FCHSD2: variants seen among roughly 807,000 people sequenced by gnomAD.
FCHSD2 encodes FCH and double SH3 domains 2.
FCHSD2 carries 38 observed loss-of-function variants against 108.1 expected under a neutral mutation model. The observed-to-expected ratio is 0.35, with a 90% CI of 0.27 to 0.46. FCHSD2 has a LOEUF of 0.46. FCHSD2 is among the 20% of genes least tolerant of loss of function. The pLI is 1.00. For missense variants in FCHSD2, 751 were observed against 897.8 expected, an observed-to-expected ratio of 0.84 and a Z score of 2.09; for synonymous variants, 279 against 314.7, an observed-to-expected ratio of 0.89 and a Z score of 1.20.
At chr11:72,856,757 T>G (rs947100255) in intron 13 of FCHSD2, among the ~76,000 whole-genome samples, 3 of 152,188 alleles carry the variant, frequency 2.0e-5, no homozygotes, top group African/African-American at 7.2e-5. Context: ...ACTCACTAGT[T>G]AGGAGCATAA....
rs1269639845 is a variant in FCHSD2, at chr11:72,838,716, G to A, written c.*75C>T. 1.5e-5 allele frequency: 18 copies of A among 1,212,330 alleles called. No homozygotes were observed. Among genetic ancestry groups the A allele is most frequent in the Non-Finnish European group, 2.1e-5 (18 of 839,994 alleles). 75.1% of individuals were successfully genotyped at this position (1,212,330 alleles called of 1,614,324 possible). A position where few individuals can be genotyped will look rare whatever the true frequency, so the allele number is the denominator to read the frequency against. The stretch of plus-strand genomic sequence containing the variant: ...GTTCAAGAGTCATCATCATGCAAAG[G>A]TGCCTAAAAAACAAGACTGGCCAAA... On this transcript the variant is annotated 3_prime_UTR_variant, in exon 20 of 20. Transcript: ENST00000409418.
intron 8 of FCHSD2, among the ~76,000 whole-genome samples, chr11:72,979,812 C>T (rs1402126773): frequency 6.6e-6 from 1 of 151,988 alleles, no homozygotes; most frequent in African/African-American, 2.4e-5. Flanking sequence ...ACAACAAAGA[C>T]ATATAGGAAG....
At chr11:73,004,660 T>TAC (rs1857702037) in intron 4 of FCHSD2, among the ~76,000 whole-genome samples, 1 of 152,216 alleles carries the variant, frequency 6.6e-6, no homozygotes, top group African/African-American at 2.4e-5. Flanking sequence ...TACAAGCTCC[T>TAC]ACCTTGGTTA....
chr11:73,112,978 T>C (rs1232143317), intron 2 of FCHSD2, among the ~76,000 whole-genome samples: 1 of 152,212 alleles, frequency 6.6e-6, no homozygotes, highest in Non-Finnish European at 1.5e-5. Context: ...ATATGCCCTT[T>C]TGCAGCTACT....
intron 13 of FCHSD2, among the ~76,000 whole-genome samples, 173 bp from the exon 14 acceptor site, chr11:72,850,062 T>A: frequency 9.9e-6 from 1 of 101,044 alleles, no homozygotes; most frequent in African/African-American, 3.1e-5. Flanking sequence ...ATAGAGTTTT[T>A]TTTTTTTTTT....
At chr11:72,881,901 G>A (rs1408907108) in intron 12 of FCHSD2, among the ~76,000 whole-genome samples, 1 of 152,238 alleles carries the variant, frequency 6.6e-6, no homozygotes, top group African/African-American at 2.4e-5. Flanking sequence ...CAGCACTTTG[G>A]GAGGCCGAGG....
intron 8 of FCHSD2, among the ~76,000 whole-genome samples, chr11:72,953,628 G>A (rs182584771): frequency 1.2e-4 from 18 of 148,700 alleles, no homozygotes; most frequent in East Asian, 1.9e-4. Context: ...CTGCATGGGG[G>A]AAAAAAAAAA....
At chr11:72,967,004 C>T (rs1057511418) in intron 8 of FCHSD2, among the ~76,000 whole-genome samples, 1 of 151,994 alleles carries the variant, frequency 6.6e-6, no homozygotes, top group Non-Finnish European at 1.5e-5. Context: ...TGAGACCATC[C>T]TGGCTAACAC....
Position 72,933,215 on chromosome 11 carries a change from T to C in FCHSD2, c.706-11265A>G, listed in dbSNP as rs558948624. 5.9e-5 allele frequency among the ~76,000 whole-genome samples: 9 copies of C among 152,314 alleles called. No individual in the cohort carries two copies. In the East Asian group the frequency reaches 1.5e-3, roughly 26 times the overall value. On this transcript the variant is annotated intron_variant, in intron 8 of 19. Coordinates refer to ENST00000409418, the MANE Select transcript of FCHSD2 (RefSeq NM_014824.3). Reference sequence around the variant, plus strand: ...CTAATTACTGGGTGGAGGTGGTCCCTTGACTTAAATTAGGTCATCCCTGGG... The same window carrying C: ...CTAATTACTGGGTGGAGGTGGTCCCCTGACTTAAATTAGGTCATCCCTGGG...
chr11:73,120,153 C>G (rs112614182), intron 2 of FCHSD2, among the ~76,000 whole-genome samples: 7,374 of 152,014 alleles, frequency 0.049, 482 homozygotes, highest in African/African-American at 0.15. Flanking sequence ...CTCCCACCAG[C>G]TCCCTCCCAC....
chr11:73,050,300 T>C (rs1313440593), intron 3 of FCHSD2, among the ~76,000 whole-genome samples: 1 of 152,210 alleles, frequency 6.6e-6, no homozygotes, highest in African/African-American at 2.4e-5. Flanking sequence ...ACACCACTTC[T>C]AGCTCCAAGT....
Position 73,142,057 on chromosome 11 carries a change from G to C in FCHSD2, c.-180C>G. ...GGGCGGCAGGCGGACCCCAGCCAGAGAGCGAGTGTGAGGAGACGAGGGAGG... is the reference window on the plus strand; with the variant it reads ...GGGCGGCAGGCGGACCCCAGCCAGACAGCGAGTGTGAGGAGACGAGGGAGG... On this transcript the variant is annotated 5_prime_UTR_variant, in exon 1 of 20. Coordinates refer to ENST00000409418, the MANE Select transcript of FCHSD2 (RefSeq NM_014824.3). 1 of 588,686 alleles carries C rather than the reference G, an allele frequency of 1.7e-6. No individual in the cohort carries two copies. Among genetic ancestry groups the C allele is most frequent in the South Asian group, 2.0e-5 (1 of 49,456 alleles). 36.5% of individuals were successfully genotyped at this position (588,686 alleles called of 1,614,324 possible). A position where few individuals can be genotyped will look rare whatever the true frequency, so the allele number is the denominator to read the frequency against.
In FCHSD2 at chr11:73,051,910, CA is replaced by C. The variant is rs1565386237; in HGVS notation, c.165+31784del. ...ACACACACACACACACACACACACA[CA>C]CACACCCCACACACACTGACATCAG... On this transcript the variant is annotated intron_variant, in intron 3 of 19. Coordinates refer to ENST00000409418, the MANE Select transcript of FCHSD2 (RefSeq NM_014824.3). Among the ~76,000 whole-genome samples the C allele has an allele frequency of 4.8e-3, 692 of 145,554 alleles. 4 individuals are homozygous for C. Among genetic ancestry groups the C allele is most frequent in the Admixed American group, 0.014 (204 of 14,728 alleles).
intron 8 of FCHSD2, among the ~76,000 whole-genome samples, chr11:72,941,301 TG>T (rs1856413477): frequency 6.6e-6 from 1 of 152,098 alleles, no homozygotes. Context: ...AATTAATGAA[TG>T]GCCTCAAATA....
rs971977909 is a variant in FCHSD2, at chr11:73,015,813, A to T, written c.238T>A (p.Tyr80Asn). ...PGVKADDRND[Y>N]RSMYPVWKSF... ...AGGCAAAAACTACTAATTTACCTGTAATCATTCCGATCATCAGCTTTTACT... is the reference window on the plus strand; with the variant it reads ...AGGCAAAAACTACTAATTTACCTGTTATCATTCCGATCATCAGCTTTTACT... The change falls in exon 4 of 20, where the codon TAC becomes AAC. Residue 80 changes from tyrosine (Y) to asparagine (N), a missense_variant. Tyr to Asn is a moderately radical substitution (Grantham distance 143, BLOSUM62 -2). Transcript: ENST00000409418. 1 of 1,599,846 alleles carries T rather than the reference A, an allele frequency of 6.3e-7. No individual in the cohort carries two copies. Among genetic ancestry groups the T allele is most frequent in the Non-Finnish European group, 8.5e-7 (1 of 1,170,534 alleles).
At chr11:72,902,114 A>T (rs1372753306) in intron 10 of FCHSD2, among the ~76,000 whole-genome samples, 1 of 152,148 alleles carries the variant, frequency 6.6e-6, no homozygotes, top group Non-Finnish European at 1.5e-5. Flanking sequence ...ACCTCAGGTC[A>T]TCCACCTGCC....
At chr11:72,938,984 T>C (rs1856358976) in intron 8 of FCHSD2, among the ~76,000 whole-genome samples, 1 of 152,210 alleles carries the variant, frequency 6.6e-6, no homozygotes, top group Non-Finnish European at 1.5e-5. Context: ...TTAATAAAAG[T>C]GGCCTCTGAG....
intron 3 of FCHSD2, among the ~76,000 whole-genome samples, chr11:73,060,410 C>T (rs1859132905): frequency 6.6e-6 from 1 of 152,024 alleles, no homozygotes; most frequent in African/African-American, 2.4e-5. Context: ...ATTCTAATAC[C>T]AGGAGCCTGG....
intron 3 of FCHSD2, among the ~76,000 whole-genome samples, chr11:73,051,004 T>C (rs960379650): frequency 6.6e-6 from 1 of 152,186 alleles, no homozygotes. Flanking sequence ...AGTTAGTTTG[T>C]TATCTATAAT....
Sources: allele counts gnomAD v4.1 joint callset (sites outside exome capture counted in the v4.1 genomes callset), GRCh38; gene constraint gnomAD v4.1.1; transcripts MANE v1.5; gene names NCBI Gene and HGNC (gene_info 2026-07-23, HGNC 2026-07-21).